The following CALCOCO2 variants were observed in gnomAD, a reference collection of about 807,000 sequenced individuals.
CALCOCO2 encodes the protein calcium binding and coiled-coil domain 2, also known as calcium-binding and coiled-coil domain-containing protein 2.
CALCOCO2 carries 42 observed loss-of-function variants against 62.5 expected under a neutral mutation model. The ratio of observed to expected loss-of-function variants is 0.67; its 90% CI spans 0.53 to 0.87. The LOEUF is 0.87. Ranked by LOEUF, CALCOCO2 falls within the 40% of genes least tolerant of loss-of-function variation. The pLI, the probability that CALCOCO2 is intolerant of heterozygous loss-of-function variation, is 0.00. For synonymous variants in CALCOCO2, 167 were observed against 173.0 expected (o/e 0.97, Z 0.27); for missense variants, 456 against 515.0 (o/e 0.89, Z 1.11).
At chr17:48,854,815 G>C (rs964096549) in intron 9 of CALCOCO2, among the ~76,000 whole-genome samples, 4 of 152,080 alleles carry the variant, frequency 2.6e-5, no homozygotes, top group Admixed American at 2.0e-4. Context: ...TATGAGTACT[G>C]TGTATCTTAT....
intron 10 of CALCOCO2, among the ~76,000 whole-genome samples, chr17:48,859,960 A>C (rs11870567): frequency 6.6e-6 from 1 of 151,770 alleles, no homozygotes; most frequent in African/African-American, 2.4e-5. Flanking sequence ...TAGGCGTGGT[A>C]GTGGGTGCCT....
chr17:48,863,077 G>A lies in CALCOCO2; in HGVS notation c.*72G>A. 8.7e-7 allele frequency: 1 copy of A among 1,148,888 alleles called. No homozygotes were observed. Among genetic ancestry groups the A allele is most frequent in the Non-Finnish European group, 1.3e-6 (1 of 757,950 alleles). 71.2% of individuals were successfully genotyped at this position (1,148,888 alleles called of 1,614,324 possible). On this transcript the variant is annotated 3_prime_UTR_variant, in exon 13 of 13. Transcript: ENST00000258947. ...CTATAGCTTCTACCATGAGTTATAT[G>A]AGTCAAGATCCTGCCTAACCTGAAA... is the stretch of plus-strand genomic sequence containing the variant.
intron 2 of CALCOCO2, chr17:48,842,705 A>G (rs1156804243): frequency 6.7e-6 from 1 of 150,044 alleles, no homozygotes; most frequent in Non-Finnish European, 1.5e-5. Flanking sequence ...CAGTGGTGCA[A>G]TCTCGGCTCA....
chr17:48,854,566 C>A, intron 9 of CALCOCO2, among the ~76,000 whole-genome samples: 1 of 148,704 alleles, frequency 6.7e-6, no homozygotes, highest in African/African-American at 2.5e-5. Context: ...CCACGATGCC[C>A]GGCTAATTTT....
intron 10 of CALCOCO2, among the ~76,000 whole-genome samples, chr17:48,857,120 C>G (rs1032674317): frequency 2.7e-5 from 4 of 150,546 alleles, no homozygotes. Flanking sequence ...TGTTCTTGCT[C>G]AGCATCAAAT....
intron 11 of CALCOCO2, among the ~76,000 whole-genome samples, chr17:48,861,659 G>GTATATATATATATA (rs367595425): frequency 0.026 from 3,497 of 135,026 alleles, 122 homozygotes; most frequent in South Asian, 0.11. Flanking sequence ...ATATGTGTGT[G>GTATATATATATATA]TGTATATATA....
rs35356632 is a variant in CALCOCO2, at chr17:48,864,066, C to CTTTTTTT, written c.*1074_*1080dup. On this transcript the variant is annotated 3_prime_UTR_variant, in exon 13 of 13. Coordinates refer to ENST00000258947, the MANE Select transcript of CALCOCO2 (RefSeq NM_005831.5). ...TCCAAGGCCCTGGCTTGCTTTCTTT[C>CTTTTTTT]TTTTTTTTTTTTTTTTTTTGAAACA... 7.9e-6 allele frequency: 1 copy of CTTTTTTT among 126,500 alleles called. No homozygotes were observed. The highest frequency in any genetic ancestry group is 1.6e-5 in the Non-Finnish European group (1 of 62,434). 7.8% of individuals were successfully genotyped at this position (126,500 alleles called of 1,614,324 possible). A position where few individuals can be genotyped will look rare whatever the true frequency, so the allele number is the denominator to read the frequency against.
intron 1 of CALCOCO2, among the ~76,000 whole-genome samples, chr17:48,835,143 T>C (rs930812061): frequency 3.9e-5 from 6 of 152,130 alleles, no homozygotes; most frequent in Admixed American, 3.3e-4. Flanking sequence ...TCCCAAGCCA[T>C]TGTTGGAGCC....
At chr17:48,848,685 A>C (rs918538708) in intron 4 of CALCOCO2, 7 of 606,928 alleles carry the variant, frequency 1.2e-5, no homozygotes, top group Non-Finnish European at 2.1e-5. Context: ...GCTGGCATTC[A>C]GTTATTCTTT....
At chr17:48,853,165 C>A (rs928879513) in intron 9 of CALCOCO2, 153 bp downstream of exon 9, 1 of 589,470 alleles carries the variant, frequency 1.7e-6, no homozygotes, top group Non-Finnish European at 3.1e-6. Context: ...AGAGAATCTG[C>A]CATTTATAAA....
Position 48,841,765 on chromosome 17 carries a change from T to C in CALCOCO2, c.58T>C (p.Phe20Leu). The C allele has an allele frequency of 6.2e-7, 1 of 1,613,638 alleles. No individual in the cohort carries two copies. The highest frequency in any genetic ancestry group is 1.7e-5 in the Admixed American group (1 of 59,988). ...AGCTGTCTTGCTGGATCACTGTCAT[T>C]TCTCTCAGGTCATCTTTAACAGTGT... Reference protein sequence around the residue: ...TSAVLLDHCHFSQVIFNSVEK... With the variant: ...TSAVLLDHCHLSQVIFNSVEK... The change falls in exon 2 of 13, where the codon TTC (phenylalanine) becomes CTC (leucine). Residue 20 changes from phenylalanine to leucine, a missense_variant. This residue lies in a region of CALCOCO2 where 48 missense variants were observed against 79.3 expected (regional missense o/e 0.61). Coordinates refer to ENST00000258947, the MANE Select transcript of CALCOCO2 (RefSeq NM_005831.5).
In CALCOCO2 at chr17:48,850,854, G is replaced by A. The variant is rs898979487; in HGVS notation, c.544-235G>A. 2.3e-5 allele frequency: 6 copies of A among 261,290 alleles called. No individual in the cohort carries two copies. The South Asian group carries it at 2.8e-4, about 12-fold the overall frequency. The allele number at this position is 261,290 out of a possible 1,614,324, so 16.2% of individuals were successfully genotyped here. On this transcript the variant is annotated intron_variant, in intron 5 of 12. Coordinates refer to ENST00000258947, the MANE Select transcript of CALCOCO2 (RefSeq NM_005831.5). The stretch of plus-strand genomic sequence containing the variant: ...AATTGCGTGAACCCGGGCGACAGAG[G>A]TTGCAGTGAGCCAAGACTGCGCCAC...
chr17:48,848,764 T>C, intron 4 of CALCOCO2: 1 of 531,044 alleles, frequency 1.9e-6, no homozygotes, highest in South Asian at 1.5e-5. Context: ...AAAGCTCCTT[T>C]GAGGAGAGAA....
Position 48,862,933 on chromosome 17 carries a change from A to G in CALCOCO2, c.1269A>G (p.Pro423=), listed in dbSNP as rs1227013545. Residue 423 remains proline, a synonymous_variant, in exon 13 of 13, where the codon CCA becomes CCG. Coordinates refer to ENST00000258947, the MANE Select transcript of CALCOCO2 (RefSeq NM_005831.5). The part of the protein sequence containing the change: ...QQMQPLCFNC[P]ICDKIFPATE... ...TGCAGCCCCTTTGTTTCAATTGTCC[A>G]ATTTGTGACAAGATCTTCCCAGCTA... 1.2e-6 allele frequency: 2 copies of G among 1,613,782 alleles called. No individual in the cohort carries two copies. The highest frequency in any genetic ancestry group is 1.7e-6 in the Non-Finnish European group (2 of 1,179,670).
At position 48,864,417 on chromosome 17, in the gene CALCOCO2, G is replaced by C. The variant is rs1464795608; in HGVS notation, c.*1412G>C. ...CCATGCATTTTTTTTAAAAGGAGCA[G>C]TGTGGATTTTCGCACCCTTTGTGAA... is the stretch of plus-strand genomic sequence containing the variant. On this transcript the variant is annotated 3_prime_UTR_variant, in exon 13 of 13. Transcript: ENST00000258947. 6.5e-6 allele frequency: 1 copy of C among 154,292 alleles called. No individual in the cohort carries two copies. The highest frequency in any genetic ancestry group is 1.5e-5 in the Non-Finnish European group (1 of 68,206). 9.6% of individuals were successfully genotyped at this position (154,292 alleles called of 1,614,324 possible).
intron 8 of CALCOCO2, 124 bp downstream of exon 8, chr17:48,852,752 C>A: frequency 9.5e-7 from 1 of 1,050,978 alleles, no homozygotes; most frequent in Non-Finnish European, 1.4e-6. Flanking sequence ...GGAAAGGGCT[C>A]AGAGGAAGCT....
At chr17:48,858,735 G>C (rs570872177) in intron 10 of CALCOCO2, among the ~76,000 whole-genome samples, 8 of 152,052 alleles carry the variant, frequency 5.3e-5, no homozygotes, top group African/African-American at 1.9e-4. Context: ...AAAACAAAGG[G>C]AAAGATTTGG....
chr17:48,839,060 C>A (rs1054246548), intron 1 of CALCOCO2, among the ~76,000 whole-genome samples: 1 of 151,142 alleles, frequency 6.6e-6, no homozygotes, highest in Non-Finnish European at 1.5e-5. Context: ...AGTGCAGTGG[C>A]GCAATCTGGC....
chr17:48,858,476 C>T (rs779332351), intron 10 of CALCOCO2, among the ~76,000 whole-genome samples: 3 of 151,870 alleles, frequency 2.0e-5, no homozygotes, highest in Admixed American at 6.6e-5. Context: ...ATTGCAGGTG[C>T]GCACCACCAC....
Sources: gnomAD v4.1 joint callset for allele counts (sites outside exome capture counted in the v4.1 genomes callset) on GRCh38, gnomAD v4.1.1 for gene constraint, gnomAD v4.1.1 regional missense constraint, MANE v1.5 for transcripts, NCBI Gene and HGNC (gene_info 2026-07-23, HGNC 2026-07-21) for gene names.